DLG2: variants seen among roughly 807,000 people sequenced by gnomAD.
The protein encoded by DLG2 is discs large MAGUK scaffold protein 2.
Under a neutral mutation model 132.5 loss-of-function variants are expected in DLG2, and 45 were observed. The ratio of observed to expected loss-of-function variants is 0.34; its 90% confidence interval spans 0.27 to 0.44. DLG2 has a LOEUF of 0.44. Among genes scored for constraint, DLG2 ranks in the 20% least tolerant of loss-of-function variants. DLG2 has a pLI of 1.00. For synonymous variants in DLG2, 424 were observed against 419.6 expected (o/e 1.01, Z -0.13); for missense variants, 1,045 against 1,196.9 (o/e 0.87, Z 1.87).
At chr11:84,739,838 GAAT>G (rs2064356651) in intron 6 of DLG2, among the ~76,000 whole-genome samples, 1 of 152,032 alleles carries the variant, frequency 6.6e-6, no homozygotes, top group Admixed American at 6.6e-5. Flanking sequence ...AAACTTATTT[GAAT>G]AATATTTTAT....
At chr11:85,105,584 G>C (rs945839670) in intron 6 of DLG2, among the ~76,000 whole-genome samples, 2 of 151,842 alleles carry the variant, frequency 1.3e-5, no homozygotes, top group African/African-American at 2.4e-5. Flanking sequence ...CCACCCGTAT[G>C]GCCAAATGTA....
chr11:83,761,318 A>G (rs1374819190), intron 18 of DLG2, among the ~76,000 whole-genome samples: 5 of 152,190 alleles, frequency 3.3e-5, no homozygotes, highest in African/African-American at 4.8e-5. Flanking sequence ...AAGTGTTAAT[A>G]CATCTGGCCC....
At chr11:85,613,356 G>A (rs2081131262) in intron 2 of DLG2, among the ~76,000 whole-genome samples, 2 of 152,150 alleles carry the variant, frequency 1.3e-5, no homozygotes, top group South Asian at 4.1e-4. Flanking sequence ...ACCTCTGGAG[G>A]ACACCACAAC....
chr11:84,545,563 A>G, intron 6 of DLG2: 3 of 380,224 alleles, frequency 7.9e-6, no homozygotes, highest in South Asian at 6.8e-5. Context: ...TTTACTGAAC[A>G]CTCTTTGAAG....
At chr11:84,176,234 A>C (rs1044729360) in intron 8 of DLG2, among the ~76,000 whole-genome samples, 4 of 151,696 alleles carry the variant, frequency 2.6e-5, no homozygotes, top group Admixed American at 1.3e-4. Flanking sequence ...AAATTAAATA[A>C]GCCAATAGCA....
intron 6 of DLG2, among the ~76,000 whole-genome samples, chr11:85,111,009 C>G (rs909671757): frequency 6.6e-6 from 1 of 152,134 alleles, no homozygotes; most frequent in African/African-American, 2.4e-5. Context: ...CATTCAGCCA[C>G]TTTCTTCACA....
At chr11:84,629,925 A>T (rs1406122251) in intron 6 of DLG2, among the ~76,000 whole-genome samples, 1 of 152,178 alleles carries the variant, frequency 6.6e-6, no homozygotes, top group East Asian at 1.9e-4. Flanking sequence ...TACAAGAGAC[A>T]GCATCTTAAA....
intron 2 of DLG2, among the ~76,000 whole-genome samples, chr11:85,626,059 G>C (rs2082014965): frequency 1.3e-5 from 2 of 152,250 alleles, no homozygotes; most frequent in Admixed American, 1.3e-4. Context: ...AAGCACAATA[G>C]TCACGAAAGT....
At chr11:84,727,574 G>A (rs2062635591) in intron 6 of DLG2, among the ~76,000 whole-genome samples, 1 of 152,080 alleles carries the variant, frequency 6.6e-6, no homozygotes, top group African/African-American at 2.4e-5. Flanking sequence ...CTTGGCATTT[G>A]CAGGCTCTTT....
At chr11:84,341,858 G>A (rs2098516593) in intron 7 of DLG2, among the ~76,000 whole-genome samples, 1 of 151,130 alleles carries the variant, frequency 6.6e-6, no homozygotes, top group Non-Finnish European at 1.5e-5. Flanking sequence ...GTGTGTAGAT[G>A]CACTATAACA....
chr11:84,193,778 A>G (rs1441828289), intron 8 of DLG2, among the ~76,000 whole-genome samples: 1 of 152,214 alleles, frequency 6.6e-6, no homozygotes, highest in African/African-American at 2.4e-5. Context: ...GTTTCATAAG[A>G]AATATCATCC....
chr11:84,448,004 A>G (rs543682646), intron 7 of DLG2, among the ~76,000 whole-genome samples: 2 of 152,222 alleles, frequency 1.3e-5, no homozygotes, highest in African/African-American at 4.8e-5. Context: ...ACAATGCATA[A>G]ATAAGGCCAT....
At chr11:84,387,359 T>C (rs1233133639) in intron 7 of DLG2, among the ~76,000 whole-genome samples, 2 of 152,184 alleles carry the variant, frequency 1.3e-5, no homozygotes, top group South Asian at 2.1e-4. Context: ...TACCCAAAAG[T>C]ATAAAATTTT....
chr11:84,168,874 C>A (rs2095743927), intron 8 of DLG2, among the ~76,000 whole-genome samples: 1 of 151,262 alleles, frequency 6.6e-6, no homozygotes, highest in South Asian at 2.1e-4. Flanking sequence ...CATTTGCATT[C>A]CTCTTTTTTA....
chr11:85,557,305 G>T (rs1238069497), intron 3 of DLG2, among the ~76,000 whole-genome samples: 1 of 151,818 alleles, frequency 6.6e-6, no homozygotes, highest in Non-Finnish European at 1.5e-5. Context: ...GAAAATTACG[G>T]ATGACACAAA....
At chr11:83,493,332 TTTCTTTCC>T (rs1481918090) in intron 21 of DLG2, among the ~76,000 whole-genome samples, 62 of 135,874 alleles carry the variant, frequency 4.6e-4, no homozygotes, top group African/African-American at 1.6e-3. Context: ...TTGTCTTTTC[TTTCTTTCC>T]TTCCTTCCTT....
intron 6 of DLG2, among the ~76,000 whole-genome samples, chr11:84,741,333 C>T (rs1488248613): frequency 2.0e-5 from 3 of 152,030 alleles, no homozygotes; most frequent in Admixed American, 6.5e-5. Context: ...GGATTACAGG[C>T]GTGAGCCACC....
At chr11:83,805,609 C>T (rs760661667) in intron 17 of DLG2, among the ~76,000 whole-genome samples, 4 of 152,084 alleles carry the variant, frequency 2.6e-5, no homozygotes, top group African/African-American at 4.8e-5. Context: ...CTCTCAATAC[C>T]TTGATAGTCA....
intron 6 of DLG2, among the ~76,000 whole-genome samples, chr11:84,744,298 T>A (rs1391114453): frequency 6.6e-6 from 1 of 152,208 alleles, no homozygotes; most frequent in African/African-American, 2.4e-5. Flanking sequence ...ATACCTTAGA[T>A]TGGGCAAACC....
Sources: gnomAD v4.1 joint callset for allele counts (sites outside exome capture counted in the v4.1 genomes callset) on GRCh38, gnomAD v4.1.1 for gene constraint, MANE v1.5 for transcripts, NCBI Gene and HGNC (gene_info 2026-07-23, HGNC 2026-07-21) for gene names.